Variants in GRM7 observed in about 807,000 individuals in gnomAD.
GRM7 encodes glutamate metabotropic receptor 7.
GRM7 carries 35 observed loss-of-function variants against 84.5 expected under a neutral mutation model. That is an observed-to-expected ratio of 0.41 (90% CI 0.32 to 0.55). The LOEUF (loss-of-function observed/expected upper bound fraction) is 0.55, where lower values mean the gene tolerates loss of function less well. Ranked by LOEUF, GRM7 falls within the 20% of genes least tolerant of loss-of-function variation. The probability of loss-of-function intolerance (pLI) is 0.19; values close to 1 mark genes in which losing one functional copy is unlikely to be tolerated. For missense variants in GRM7, 1,003 were observed against 1,194.6 expected (o/e 0.84, Z 2.36); for synonymous variants, 487 against 455.1 (o/e 1.07, Z -0.89).
intron 5 of GRM7, among the ~76,000 whole-genome samples, chr3:7,426,910 A>G (rs565153920): frequency 2.0e-5 from 3 of 152,290 alleles, no homozygotes; most frequent in African/African-American, 2.4e-5. Flanking sequence ...AAACATTTCA[A>G]TGCAATTGAT....
At chr3:6,989,966 G>T (rs1206834495) in intron 1 of GRM7, among the ~76,000 whole-genome samples, 1 of 152,148 alleles carries the variant, frequency 6.6e-6, no homozygotes, top group East Asian at 1.9e-4. Context: ...TATCTTCAGG[G>T]CTCCTCTTTC....
chr3:7,172,712 A>G (rs1481169410), intron 2 of GRM7, among the ~76,000 whole-genome samples: 1 of 152,140 alleles, frequency 6.6e-6, no homozygotes, highest in African/African-American at 2.4e-5. Flanking sequence ...TTGGAGTTCT[A>G]CTTGAAAACT....
chr3:7,115,065 G>A (rs1692985517), intron 1 of GRM7, among the ~76,000 whole-genome samples: 1 of 152,128 alleles, frequency 6.6e-6, no homozygotes, highest in Non-Finnish European at 1.5e-5. Flanking sequence ...TTGCTATTCT[G>A]TGATTCAGTC....
chr3:7,180,738 G>A (rs530410795), intron 2 of GRM7, among the ~76,000 whole-genome samples: 3 of 152,188 alleles, frequency 2.0e-5, no homozygotes, highest in African/African-American at 7.2e-5. Context: ...TCTCTATGCC[G>A]ATTATAAAGA....
chr3:7,303,593 A>G (rs1046268664), intron 3 of GRM7, among the ~76,000 whole-genome samples: 3 of 152,062 alleles, frequency 2.0e-5, no homozygotes, highest in Admixed American at 1.3e-4. Flanking sequence ...TATTTTTTCT[A>G]TGGTAGTTAT....
intron 8 of GRM7, among the ~76,000 whole-genome samples, chr3:7,595,907 G>T (rs1448393440): frequency 2.6e-5 from 4 of 152,116 alleles, no homozygotes; most frequent in African/African-American, 9.7e-5. Flanking sequence ...ATTTTGCATT[G>T]TATGGGATGT....
intron 4 of GRM7, among the ~76,000 whole-genome samples, chr3:7,409,429 CTT>C (rs1004375548): frequency 1.3e-5 from 2 of 150,254 alleles, no homozygotes; most frequent in Middle Eastern, 6.8e-3. Context: ...TGTTCTCTCT[CTT>C]TTTTTGGGGG....
At chr3:7,124,522 G>A (rs1327657982) in intron 1 of GRM7, among the ~76,000 whole-genome samples, 2 of 152,106 alleles carry the variant, frequency 1.3e-5, no homozygotes, top group East Asian at 1.9e-4. Flanking sequence ...CACTTAGGTG[G>A]TGGGGATGAT....
intron 2 of GRM7, among the ~76,000 whole-genome samples, chr3:7,179,988 A>C (rs1204156477): frequency 6.6e-6 from 1 of 152,222 alleles, no homozygotes; most frequent in African/African-American, 2.4e-5. Flanking sequence ...GAAACGCTTT[A>C]AACTGGTTAA....
intron 1 of GRM7, among the ~76,000 whole-genome samples, chr3:6,888,722 T>A (rs1376471543): frequency 6.6e-6 from 1 of 152,162 alleles, no homozygotes; most frequent in South Asian, 2.1e-4. Flanking sequence ...CGGGCTGTTT[T>A]TTGGTTCCAT....
chr3:7,175,561 A>C (rs1309040744), intron 2 of GRM7, among the ~76,000 whole-genome samples: 1 of 152,176 alleles, frequency 6.6e-6, no homozygotes, highest in Non-Finnish European at 1.5e-5. Context: ...TTTTTGAGAC[A>C]AAGTGTCACT....
At chr3:7,704,531 T>C (rs774184844) in intron 9 of GRM7, among the ~76,000 whole-genome samples, 1 of 152,206 alleles carries the variant, frequency 6.6e-6, no homozygotes, top group African/African-American at 2.4e-5. Context: ...AATATTAAAA[T>C]GTCTTTTGAT....
intron 2 of GRM7, among the ~76,000 whole-genome samples, chr3:7,249,390 T>A (rs1697894684): frequency 6.6e-6 from 1 of 152,346 alleles, no homozygotes; most frequent in Non-Finnish European, 1.5e-5. Context: ...CTTTATCATT[T>A]CTTGTTGAAG....
intron 7 of GRM7, among the ~76,000 whole-genome samples, chr3:7,521,448 C>G (rs1219075611): frequency 1.3e-5 from 2 of 152,184 alleles, no homozygotes; most frequent in Admixed American, 6.5e-5. Context: ...AAAAGAGATG[C>G]AAGGAAGATC....
At chr3:7,223,777 A>T (rs962417791) in intron 2 of GRM7, among the ~76,000 whole-genome samples, 4 of 152,204 alleles carry the variant, frequency 2.6e-5, no homozygotes, top group African/African-American at 9.6e-5. Context: ...AGAAATAGGT[A>T]TGGGCAGTCT....
chr3:6,986,180 A>G (rs1413606417), intron 1 of GRM7, among the ~76,000 whole-genome samples: 2 of 152,228 alleles, frequency 1.3e-5, no homozygotes, highest in African/African-American at 4.8e-5. Flanking sequence ...AGGATAAATC[A>G]GTCATTAGGT....
chr3:7,520,841 CA>C (rs1245304375), intron 7 of GRM7, among the ~76,000 whole-genome samples: 2 of 152,200 alleles, frequency 1.3e-5, no homozygotes, highest in Non-Finnish European at 2.9e-5. Context: ...TCAGCTCATA[CA>C]TAGTATGACA....
chr3:7,215,103 G>A (rs1461814381), intron 2 of GRM7, among the ~76,000 whole-genome samples: 3 of 152,168 alleles, frequency 2.0e-5, no homozygotes, highest in Admixed American at 2.0e-4. Context: ...ATATTTAGTT[G>A]TGCATAAGCA....
chr3:7,399,160 A>G (rs1242062475), intron 4 of GRM7, among the ~76,000 whole-genome samples: 1 of 141,168 alleles, frequency 7.1e-6, no homozygotes, highest in Non-Finnish European at 1.5e-5. Flanking sequence ...ACATCTTCCT[A>G]TTTAAAAAAC....
Sources: allele counts gnomAD v4.1 joint callset (sites outside exome capture counted in the v4.1 genomes callset), GRCh38; gene constraint gnomAD v4.1.1; transcripts MANE v1.5; gene names NCBI Gene and HGNC (gene_info 2026-07-23, HGNC 2026-07-21).